PCDHA6: variants seen among roughly 807,000 people sequenced by gnomAD.
PCDHA6 encodes protocadherin alpha-6.
In PCDHA6, 55 loss-of-function variants were observed where a neutral mutation model predicts 60.3. That is an observed-to-expected ratio of 0.91 (90% CI 0.73 to 1.14). The LOEUF (loss-of-function observed/expected upper bound fraction) is 1.14, where lower values mean the gene tolerates loss of function less well. Ranked by LOEUF, PCDHA6 falls within the 50% of genes most tolerant of loss-of-function variation. PCDHA6 has a pLI of 0.00. For missense variants in PCDHA6, 1,327 were observed against 1,256.5 expected (o/e 1.06, Z -0.85); for synonymous variants, 652 against 557.9 (o/e 1.17, Z -2.38).
In PCDHA6 at chr5:140,842,782, C is replaced by T. The variant is rs1349278415; in HGVS notation, c.2394+12297C>T. 6 of 1,594,538 alleles carry T rather than the reference C, an allele frequency of 3.8e-6. 1 individual carries two copies. The highest frequency in any genetic ancestry group is 5.1e-6 in the Non-Finnish European group (6 of 1,165,434). ...CGCGAGACGCGGACGCGCAGGAGAA[C>T]GCGCTGGTGTCCTACTCGCTTGTGG... On this transcript the variant is annotated intron_variant, in intron 1 of 3. Transcript: ENST00000529310.
At chr5:140,967,613 G>C in intron 1 of PCDHA6, 1 of 1,614,182 alleles carries the variant, frequency 6.2e-7, no homozygotes, top group Non-Finnish European at 8.5e-7. Flanking sequence ...GAATGCCTCA[G>C]ACCCGGATGA....
chr5:140,848,561 A>C, intron 1 of PCDHA6: 1 of 1,595,546 alleles, frequency 6.3e-7, no homozygotes. Context: ...TGATCCTCGC[A>C]ATGTGGGTGG....
intron 1 of PCDHA6, chr5:140,868,533 C>T (rs1265642890): frequency 6.6e-6 from 1 of 152,534 alleles, no homozygotes; most frequent in African/African-American, 2.4e-5. Context: ...GAAAGTAAAA[C>T]AATTCAAATT....
At chr5:140,879,099 A>G (rs1255546668) in intron 1 of PCDHA6, among the ~76,000 whole-genome samples, 1 of 152,242 alleles carries the variant, frequency 6.6e-6, no homozygotes, top group Non-Finnish European at 1.5e-5. Flanking sequence ...ACTGCACAGT[A>G]TATGGTGTAA....
intron 1 of PCDHA6, chr5:140,851,527 A>C (rs1335605014): frequency 2.2e-6 from 2 of 905,622 alleles, no homozygotes; most frequent in Middle Eastern, 5.6e-4. Context: ...AAAATGCCTG[A>C]CAATGTAGAT....
At position 140,834,924 on chromosome 5, in the gene PCDHA6, G is replaced by C; in HGVS notation, c.2394+4439G>C. ...GAGCCCCAATGAGTATTTCTTCCTG[G>C]ACGTGCCAACCAGCAACCAGCAGGT... On this transcript the variant is annotated intron_variant, in intron 1 of 3. Coordinates refer to ENST00000529310, the MANE Select transcript of PCDHA6 (RefSeq NM_018909.4). 1.9e-6 allele frequency: 3 copies of C among 1,585,868 alleles called. No homozygotes were observed. The South Asian group carries it at 3.4e-5, about 18-fold the overall frequency.
intron 1 of PCDHA6, chr5:140,856,419 A>G: frequency 6.3e-7 from 1 of 1,598,426 alleles, no homozygotes; most frequent in Non-Finnish European, 8.6e-7. Context: ...GAAGTGAAGG[A>G]CATTAACGAC....
At chr5:140,912,767 G>A (rs1388605585) in intron 1 of PCDHA6, among the ~76,000 whole-genome samples, 2 of 152,064 alleles carry the variant, frequency 1.3e-5, no homozygotes, top group African/African-American at 4.8e-5. Context: ...TTATTACTTT[G>A]AGGTATGTCC....
intron 1 of PCDHA6, chr5:140,884,514 CG>C (rs1244903550): frequency 5.0e-6 from 8 of 1,614,058 alleles, no homozygotes; most frequent in Middle Eastern, 1.6e-4. Flanking sequence ...GGGAGTTGGT[CG>C]TACTCGCAGC....
intron 1 of PCDHA6, among the ~76,000 whole-genome samples, chr5:140,974,566 C>T (rs2096631979): frequency 6.6e-6 from 1 of 152,138 alleles, no homozygotes; most frequent in African/African-American, 2.4e-5. Context: ...GGCTGGAGTG[C>T]AATGGCATGA....
At chr5:140,989,373 C>A (rs1189877807) in intron 3 of PCDHA6, among the ~76,000 whole-genome samples, 1 of 152,088 alleles carries the variant, frequency 6.6e-6, no homozygotes, top group Non-Finnish European at 1.5e-5. Context: ...TGACTGAGAG[C>A]TTTGTGGGAA....
intron 2 of PCDHA6, among the ~76,000 whole-genome samples, chr5:140,981,738 A>C: frequency 6.6e-6 from 1 of 152,114 alleles, no homozygotes. Flanking sequence ...TGAGAGATTA[A>C]TATGAGTTAG....
chr5:140,927,530 GC>G, intron 1 of PCDHA6: 1 of 1,614,080 alleles, frequency 6.2e-7, no homozygotes, highest in Non-Finnish European at 8.5e-7. Flanking sequence ...CTACCTGCCC[GC>G]TCAGGAGACG....
intron 3 of PCDHA6, among the ~76,000 whole-genome samples, chr5:141,001,941 A>G (rs565358428): frequency 6.6e-6 from 1 of 151,874 alleles, no homozygotes; most frequent in Admixed American, 6.5e-5. Context: ...GTGAGCGGAA[A>G]TAAGGAGGAG....
chr5:140,997,565 A>T (rs552009994), intron 3 of PCDHA6, among the ~76,000 whole-genome samples: 1 of 152,174 alleles, frequency 6.6e-6, no homozygotes, highest in Non-Finnish European at 1.5e-5. Context: ...CAACTGTCAT[A>T]TGTGTGGTCC....
chr5:140,938,443 A>C (rs1324427427), intron 1 of PCDHA6, among the ~76,000 whole-genome samples: 1 of 152,180 alleles, frequency 6.6e-6, no homozygotes, highest in African/African-American at 2.4e-5. Context: ...AGATTTATTA[A>C]GTTCCCTTTG....
intron 1 of PCDHA6, among the ~76,000 whole-genome samples, chr5:140,908,870 T>C (rs1221082339): frequency 6.6e-6 from 1 of 152,136 alleles, no homozygotes; most frequent in Non-Finnish European, 1.5e-5. Flanking sequence ...ATGTGTTGCC[T>C]CCAAAATCCA....
intron 3 of PCDHA6, among the ~76,000 whole-genome samples, chr5:140,990,733 A>G (rs2097410113): frequency 6.6e-6 from 1 of 152,198 alleles, no homozygotes; most frequent in Admixed American, 6.5e-5. Flanking sequence ...GTATATCAAC[A>G]GCCCTAGGGT....
At chr5:140,877,198 G>C (rs781787046) in intron 1 of PCDHA6, 26 of 1,613,712 alleles carry the variant, frequency 1.6e-5, no homozygotes, top group Non-Finnish European at 2.2e-5. Flanking sequence ...CGCAGGAGGC[G>C]CAGTTAGCGA....
Sources: allele counts gnomAD v4.1 joint callset (sites outside exome capture counted in the v4.1 genomes callset), GRCh38; gene constraint gnomAD v4.1.1; transcripts MANE v1.5; gene names NCBI Gene and HGNC (gene_info 2026-07-23, HGNC 2026-07-21).